TYW1B: variants seen among roughly 807,000 people sequenced by gnomAD.
The protein encoded by TYW1B is tRNA-yW synthesizing protein 1 homolog B, also known as S-adenosyl-L-methionine-dependent tRNA 4-demethylwyosine synthase TYW1B.
A neutral mutation model predicts 86.9 loss-of-function variants in TYW1B; 73 were observed. The ratio of observed to expected loss-of-function variants is 0.84; its 90% confidence interval spans 0.70 to 1.02. The LOEUF (loss-of-function observed/expected upper bound fraction) is 1.02. Among genes scored for constraint, TYW1B ranks in the 50% least tolerant of loss-of-function variants. The pLI, the probability that TYW1B is intolerant of heterozygous loss-of-function variation, is 0.00. For synonymous variants in TYW1B, 248 were observed against 292.8 expected (o/e 0.85, Z 1.56); for missense variants, 637 against 827.4 (o/e 0.77, Z 2.82).
intron 8 of TYW1B, among the ~76,000 whole-genome samples, chr7:72,739,209 GGAATATGATTATCCATATGAT>G (rs1464128592): frequency 2.0e-5 from 3 of 152,074 alleles, no homozygotes; most frequent in Non-Finnish European, 4.4e-5. Flanking sequence ...ATAGGTAAAT[GGAATATGATTATCCATATGAT>G]GATAAACGTT....
At chr7:72,636,721 T>C (rs1812675639) in intron 11 of TYW1B, among the ~76,000 whole-genome samples, 1 of 152,224 alleles carries the variant, frequency 6.6e-6, no homozygotes, top group African/African-American at 2.4e-5. Flanking sequence ...AATAGGTTGA[T>C]TTTTACACGT....
At chr7:72,675,180 C>T (rs1813706743) in intron 11 of TYW1B, among the ~76,000 whole-genome samples, 2 of 152,008 alleles carry the variant, frequency 1.3e-5, no homozygotes, top group African/African-American at 4.8e-5. Context: ...GGGTGGATCA[C>T]CTGAGATCAG....
rs186679055 is a variant in TYW1B at position 72,644,176 on chromosome 7, C to T, written c.1507-15179G>A. ...CGCAAAAAAATGATATGATAAAAAC[C>T]CAATAGCCATTGATAATAGATAGTC... On this transcript the variant is annotated intron_variant, in intron 11 of 13. Transcript: ENST00000620995. 1.6e-4 allele frequency among the ~76,000 whole-genome samples: 25 copies of T among 152,172 alleles called. No individual in the cohort carries two copies. In the East Asian group the frequency reaches 4.8e-3, roughly 29 times the overall value.
intron 8 of TYW1B, among the ~76,000 whole-genome samples, chr7:72,736,763 T>C (rs1326361202): frequency 1.3e-5 from 2 of 152,222 alleles, no homozygotes; most frequent in African/African-American, 2.4e-5. Context: ...TCACTTAGTA[T>C]AATATTTTCA....
In TYW1B at chr7:72,813,459, G is replaced by C. The variant is rs186115984; in HGVS notation, c.237+1921C>G. Among the ~76,000 whole-genome samples the C allele has an allele frequency of 2.3e-4, 35 of 152,166 alleles. No homozygotes were observed. In the South Asian group the frequency reaches 6.8e-3, roughly 30 times the overall value. Reference sequence around the variant, plus strand: ...CCAAAGTGTTGGGATTACAGGCGTGGGCCACCACGCCCAGCCTCTAACTGC... The same window carrying C: ...CCAAAGTGTTGGGATTACAGGCGTGCGCCACCACGCCCAGCCTCTAACTGC... On this transcript the variant is annotated intron_variant, in intron 3 of 13. Transcript: ENST00000620995.
At chr7:72,675,000 C>T (rs1813702472) in intron 11 of TYW1B, among the ~76,000 whole-genome samples, 1 of 152,000 alleles carries the variant, frequency 6.6e-6, no homozygotes, top group South Asian at 2.1e-4. Context: ...ATTCCAAGGA[C>T]CTGCTTAGAA....
chr7:72,614,971 AT>A (rs1280407393), intron 13 of TYW1B, among the ~76,000 whole-genome samples: 1 of 152,218 alleles, frequency 6.6e-6, no homozygotes, highest in African/African-American at 2.4e-5. Flanking sequence ...CTTCTCATTC[AT>A]TACACTACAG....
At chr7:72,593,571 C>T (rs1811451904) in intron 13 of TYW1B, among the ~76,000 whole-genome samples, 1 of 151,866 alleles carries the variant, frequency 6.6e-6, no homozygotes, top group African/African-American at 2.4e-5. Flanking sequence ...GCCTGTAATC[C>T]CAGCACTTTG....
rs1198763114 is a variant in TYW1B, at chr7:72,600,246, G to C, written c.1785+16426C>G. Among the ~76,000 whole-genome samples the C allele has an allele frequency of 2.0e-5, 3 of 152,102 alleles. 1 individual carries two copies. The highest frequency in any genetic ancestry group is 4.4e-5 in the Non-Finnish European group (3 of 68,030). ...ATACAGTCAACTCATCTTTGACAAA[G>C]GAGCAAAGGTAATTTAATGAAGAAA... On this transcript the variant is annotated intron_variant, in intron 13 of 13. Coordinates refer to ENST00000620995, the MANE Select transcript of TYW1B (RefSeq NM_001145440.3).
At chr7:72,655,407 T>A (rs1554443487) in intron 11 of TYW1B, among the ~76,000 whole-genome samples, 1 of 152,074 alleles carries the variant, frequency 6.6e-6, no homozygotes, top group Non-Finnish European at 1.5e-5. Context: ...AGCAACTACA[T>A]CACAGCACCG....
intron 12 of TYW1B, among the ~76,000 whole-genome samples, chr7:72,627,507 TAACATAAATA>T (rs1353195956): frequency 6.3e-4 from 92 of 146,934 alleles, no homozygotes; most frequent in African/African-American, 2.1e-3. Context: ...TAACATAACA[TAACATAAATA>T]AAATAAAATA....
At position 72,667,031 on chromosome 7, in the gene TYW1B, C is replaced by CAAAAAA. The variant is rs60691255; in HGVS notation, c.1506+27650_1506+27655dup. On this transcript the variant is annotated intron_variant, in intron 11 of 13. Coordinates refer to ENST00000620995, the MANE Select transcript of TYW1B (RefSeq NM_001145440.3). ...TGGGAGAGAGAGCGAGACTCCGTCT[C>CAAAAAA]AAAAAAAAAAAAAAAAAAAAGAAAC... 1.9e-3 allele frequency among the ~76,000 whole-genome samples: 79 copies of CAAAAAA among 42,370 alleles called. 17 individuals carry two copies. The highest frequency in any genetic ancestry group is 7.6e-3 in the African/African-American group (67 of 8,824). 27.8% of individuals were successfully genotyped at this position (42,370 alleles called of 152,430 possible). A position where few individuals can be genotyped will look rare whatever the true frequency, so the allele number is the denominator to read the frequency against.
intron 13 of TYW1B, among the ~76,000 whole-genome samples, chr7:72,609,564 C>T (rs1554435523): frequency 1.4e-5 from 2 of 144,006 alleles, no homozygotes; most frequent in African/African-American, 5.0e-5. Flanking sequence ...ACCCTGTCTC[C>T]AAAATAAAAA....
At chr7:72,703,586 G>A (rs1264710733) in intron 10 of TYW1B, among the ~76,000 whole-genome samples, 2 of 151,884 alleles carry the variant, frequency 1.3e-5, no homozygotes, top group Admixed American at 6.6e-5. Flanking sequence ...CAGACGCGGT[G>A]GCTCATGCCT....
At chr7:72,794,393 T>TA (rs1788271346) in intron 6 of TYW1B, among the ~76,000 whole-genome samples, 1 of 151,894 alleles carries the variant, frequency 6.6e-6, no homozygotes, top group Non-Finnish European at 1.5e-5. Context: ...CCATCTCTAC[T>TA]AAAATTACAA....
chr7:72,790,920 G>A (rs1788207914), intron 6 of TYW1B, among the ~76,000 whole-genome samples: 1 of 152,074 alleles, frequency 6.6e-6, no homozygotes, highest in Admixed American at 6.6e-5. Context: ...CTGACCTCTG[G>A]CTCTAGTGAA....
At chr7:72,587,725 T>C (rs1287435819) in intron 13 of TYW1B, among the ~76,000 whole-genome samples, 1 of 152,204 alleles carries the variant, frequency 6.6e-6, no homozygotes, top group Non-Finnish European at 1.5e-5. Context: ...GCTAATTTCT[T>C]AGTCCTACAA....
At chr7:72,779,331 T>C (rs1788008953) in intron 6 of TYW1B, among the ~76,000 whole-genome samples, 1 of 152,294 alleles carries the variant, frequency 6.6e-6, no homozygotes, top group Non-Finnish European at 1.5e-5. Context: ...TGCTGGTTGA[T>C]GAGGCCAGGC....
intron 8 of TYW1B, among the ~76,000 whole-genome samples, chr7:72,744,173 TA>T (rs1375143644): frequency 6.6e-6 from 1 of 152,114 alleles, no homozygotes; most frequent in Non-Finnish European, 1.5e-5. Flanking sequence ...AAGGATAGAA[TA>T]AAAATAAATT....
Sources: allele counts gnomAD v4.1 joint callset (sites outside exome capture counted in the v4.1 genomes callset), GRCh38; gene constraint gnomAD v4.1.1; transcripts MANE v1.5; gene names NCBI Gene and HGNC (gene_info 2026-07-23, HGNC 2026-07-21).